DNAJC13: variants seen among roughly 807,000 people sequenced by gnomAD.
DNAJC13 encodes dnaJ homolog subfamily C member 13.
A neutral mutation model predicts 290.5 loss-of-function variants in DNAJC13; 75 were observed. The ratio of observed to expected loss-of-function variants is 0.26; its 90% CI spans 0.21 to 0.31. The LOEUF is 0.31. Among genes scored for constraint, DNAJC13 ranks in the 10% least tolerant of loss-of-function variants. DNAJC13 has a pLI of 1.00. For missense variants in DNAJC13, 2,260 were observed against 2,674.5 expected, an observed-to-expected ratio of 0.85 and a Z score of 3.42; for synonymous variants, 862 against 892.0, an observed-to-expected ratio of 0.97 and a Z score of 0.60.
At position 132,505,283 on chromosome 3, in the gene DNAJC13, C is replaced by T. The variant is rs201687891; in HGVS notation, c.4885-19C>T. The T allele has an allele frequency of 2.5e-3, 3,611 of 1,457,816 alleles. 8 individuals carry two copies. The highest frequency in any genetic ancestry group is 2.9e-3 in the Non-Finnish European group (3,072 of 1,047,182). 90.3% of individuals were successfully genotyped at this position (1,457,816 alleles called of 1,614,324 possible). The stretch of plus-strand genomic sequence containing the variant: ...AGTTTTTTCACTAAATGTTATAAAA[C>T]GGTAATATTGTCTCCTAGATTTTGA... On this transcript the variant is annotated intron_variant, in intron 41 of 55. Coordinates refer to ENST00000260818, the MANE Select transcript of DNAJC13 (RefSeq NM_015268.4).
intron 28 of DNAJC13, among the ~76,000 whole-genome samples, chr3:132,484,015 G>A (rs116106896): frequency 1.3e-5 from 2 of 152,124 alleles, no homozygotes; most frequent in Admixed American, 1.3e-4. Context: ...GATAACACTT[G>A]CATGTAACTT....
chr3:132,482,171 T>A, intron 26 of DNAJC13, 55 bp from the exon 27 acceptor site: 1 of 1,478,544 alleles, frequency 6.8e-7, no homozygotes, highest in Non-Finnish European at 9.3e-7. Context: ...TTTTACGACA[T>A]CTGGTCTTTT....
chr3:132,486,112 C>G (rs952890246), intron 29 of DNAJC13, among the ~76,000 whole-genome samples: 1 of 37,410 alleles, frequency 2.7e-5, no homozygotes, highest in Non-Finnish European at 5.4e-5. Context: ...TTTTTTTTGC[C>G]AATTTCTGTT....
At chr3:132,498,483 A>G (rs1935305173) in intron 36 of DNAJC13, among the ~76,000 whole-genome samples, 1 of 152,194 alleles carries the variant, frequency 6.6e-6, no homozygotes, top group South Asian at 2.1e-4. Context: ...AGATCAGCAT[A>G]GAAAGTAGGT....
chr3:132,441,763 G>A (rs953052502), intron 2 of DNAJC13, among the ~76,000 whole-genome samples: 1 of 152,198 alleles, frequency 6.6e-6, no homozygotes, highest in Non-Finnish European at 1.5e-5. Context: ...TTACATGCCT[G>A]ATTGATAGAA....
At chr3:132,505,527 AGTATGGCTTTCT>A in intron 42 of DNAJC13, 112 bp downstream of exon 42, 1 of 696,960 alleles carries the variant, frequency 1.4e-6, no homozygotes. Context: ...AGTGTCAGTC[AGTATGGCTTTCT>A]GCCACCTAAT....
chr3:132,486,082 C>CTTTTTTT (rs758049804), intron 29 of DNAJC13, among the ~76,000 whole-genome samples: 4 of 40,520 alleles, frequency 9.9e-5, no homozygotes, highest in East Asian at 6.8e-4. Context: ...ATGCCCTATC[C>CTTTTTTT]TTTTTTTTTT....
intron 55 of DNAJC13, among the ~76,000 whole-genome samples, chr3:132,532,223 G>A (rs1405399594): frequency 6.6e-6 from 1 of 152,170 alleles, no homozygotes; most frequent in Non-Finnish European, 1.5e-5. Flanking sequence ...CTAAGCCATT[G>A]TAATTGTTTT....
intron 29 of DNAJC13, among the ~76,000 whole-genome samples, chr3:132,487,859 T>TA (rs1934932400): frequency 2.0e-5 from 3 of 152,274 alleles, no homozygotes; most frequent in Admixed American, 6.5e-5. Context: ...TCTTGCCTGT[T>TA]ACCTGCACTT....
chr3:132,454,269 GA>G (rs1243809378), intron 9 of DNAJC13, 112 bp downstream of exon 9: 1 of 716,884 alleles, frequency 1.4e-6, no homozygotes, highest in African/African-American at 1.9e-5. Flanking sequence ...TTTAATTTGG[GA>G]AAAGACATTT....
chr3:132,432,498 C>T (rs1217878994), intron 1 of DNAJC13, among the ~76,000 whole-genome samples: 1 of 152,176 alleles, frequency 6.6e-6, no homozygotes, highest in African/African-American at 2.4e-5. Flanking sequence ...AGCCACCGCT[C>T]CCGGCCTCTA....
intron 22 of DNAJC13, 108 bp from the exon 23 acceptor site, chr3:132,477,681 T>C: frequency 1.4e-6 from 1 of 733,566 alleles, no homozygotes; most frequent in Non-Finnish European, 2.3e-6. Flanking sequence ...AATTAACAGG[T>C]ATTTTAAGAA....
intron 35 of DNAJC13, among the ~76,000 whole-genome samples, chr3:132,496,165 T>A (rs531358631): frequency 6.6e-6 from 1 of 152,254 alleles, no homozygotes; most frequent in East Asian, 1.9e-4. Context: ...ACATGGCTGT[T>A]TGAGGATTAA....
rs114903891 is a variant in DNAJC13, at chr3:132,473,294, G to C, written c.2291+67G>C. The C allele has an allele frequency of 8.2e-4, 878 of 1,071,268 alleles. 9 individuals are homozygous for C. In the African/African-American group the frequency reaches 0.013, roughly 15 times the overall value. 66.4% of individuals were successfully genotyped at this position (1,071,268 alleles called of 1,614,324 possible). A position where few individuals can be genotyped will look rare whatever the true frequency, so the allele number is the denominator to read the frequency against. ...ATTGCCATGAGAGGCATCATGACAC[G>C]TTCTTCTTCCCTGAAACTGTTGCTT... is the stretch of plus-strand genomic sequence containing the variant. On this transcript the variant is annotated intron_variant, in intron 21 of 55. Transcript: ENST00000260818.
Position 132,474,963 on chromosome 3 carries a change from A to T in DNAJC13, c.2323A>T (p.Ile775Phe). 6.2e-7 allele frequency: 1 copy of T among 1,610,516 alleles called. No homozygotes were observed. Among genetic ancestry groups the T allele is most frequent in the Non-Finnish European group, 8.5e-7 (1 of 1,178,528 alleles). The change falls in exon 22 of 56, where the codon ATT becomes TTT. Residue 775 changes from isoleucine (I) to phenylalanine (F), a missense_variant. Physicochemically the swap from Ile to Phe is conservative, Grantham distance 21. Coordinates refer to ENST00000260818, the MANE Select transcript of DNAJC13 (RefSeq NM_015268.4). ...TCAAGACCATGCCAGGTCAAACCTT[A>T]TTTGGAATTTCAAAACACGAGAAGA... is the stretch of plus-strand genomic sequence containing the variant. ...FGQDHARSNL[I>F]WNFKTREELK...
At chr3:132,463,075 G>T (rs1933857411) in intron 16 of DNAJC13, among the ~76,000 whole-genome samples, 1 of 152,166 alleles carries the variant, frequency 6.6e-6, no homozygotes, top group African/African-American at 2.4e-5. Context: ...TGATTACAAT[G>T]ACATCAGTCT....
intron 29 of DNAJC13, among the ~76,000 whole-genome samples, chr3:132,486,082 CTTTTT>C (rs758049804): frequency 0.039 from 1,567 of 40,390 alleles, 20 homozygotes; most frequent in East Asian, 0.12. Flanking sequence ...ATGCCCTATC[CTTTTT>C]TTTTTTTTTT....
At chr3:132,518,010 T>C (rs1043323091) in intron 48 of DNAJC13, among the ~76,000 whole-genome samples, 1 of 152,196 alleles carries the variant, frequency 6.6e-6, no homozygotes, top group Non-Finnish European at 1.5e-5. Context: ...TAGAGCTAGG[T>C]AGCACATAAC....
At chr3:132,475,710 A>T (rs1934451031) in intron 22 of DNAJC13, among the ~76,000 whole-genome samples, 1 of 152,130 alleles carries the variant, frequency 6.6e-6, no homozygotes, top group African/African-American at 2.4e-5. Flanking sequence ...TCTTAGCAAA[A>T]TGAAAAACTT....
Sources: gnomAD v4.1 joint callset for allele counts (sites outside exome capture counted in the v4.1 genomes callset) on GRCh38, gnomAD v4.1.1 for gene constraint, MANE v1.5 for transcripts, NCBI Gene and HGNC (gene_info 2026-07-23, HGNC 2026-07-21) for gene names.